Variants in ASIC2 observed in about 807,000 individuals in gnomAD.
ASIC2 encodes acid sensing ion channel subunit 2, also known as acid-sensing ion channel 2.
A neutral mutation model predicts 57.3 loss-of-function variants in ASIC2; 25 were observed. That is an observed-to-expected ratio of 0.44 (90% CI 0.32 to 0.61). ASIC2 has a LOEUF of 0.61. Ranked by LOEUF, ASIC2 falls within the 20% of genes least tolerant of loss-of-function variation. ASIC2 has a pLI of 0.06. For missense variants in ASIC2, 641 were observed against 738.1 expected (o/e 0.87, Z 1.52); for synonymous variants, 319 against 307.5 (o/e 1.04, Z -0.39).
chr17:34,048,123 T>C lies in ASIC2; in HGVS notation c.555+107855A>G, dbSNP rs1431828532. Among the ~76,000 whole-genome samples the C allele has an allele frequency of 2.0e-5, 3 of 152,158 alleles. No individual in the cohort carries two copies. In the East Asian group the frequency reaches 5.8e-4, roughly 29 times the overall value. The stretch of plus-strand genomic sequence containing the variant: ...CATTGGGAGTGTCCACACTTTGATT[T>C]ATGGATATTTCTCAGGGCCACACAC... On this transcript the variant is annotated intron_variant, in intron 1 of 9. Coordinates refer to the ASIC2 transcript ENST00000359872.
upstream of ASIC2, among the ~76,000 whole-genome samples, chr17:33,293,750 C>A (rs978983273): frequency 2.0e-5 from 3 of 151,930 alleles, no homozygotes; most frequent in Admixed American, 1.3e-4. Context: ...CTGCGGGTGG[C>A]GTGCTGTGGC....
intron 1 of ASIC2, among the ~76,000 whole-genome samples, chr17:33,227,464 G>A (rs1205959064): frequency 6.6e-6 from 1 of 152,052 alleles, no homozygotes. Flanking sequence ...TTGATCAAGT[G>A]TGACAGTGAG....
chr17:33,974,625 C>CATCT, intron 1 of ASIC2, among the ~76,000 whole-genome samples: 1 of 151,764 alleles, frequency 6.6e-6, no homozygotes, highest in African/African-American at 2.4e-5. Flanking sequence ...TCCATCCATC[C>CATCT]ATCCATCCAT....
chr17:33,424,539 A>T (rs1911152146), intron 1 of ASIC2, among the ~76,000 whole-genome samples: 1 of 152,234 alleles, frequency 6.6e-6, no homozygotes, highest in Non-Finnish European at 1.5e-5. Context: ...CACATTGGGT[A>T]GCCTGAAAAT....
intron 1 of ASIC2, among the ~76,000 whole-genome samples, chr17:33,583,404 C>T (rs1904505718): frequency 2.0e-5 from 3 of 152,094 alleles, no homozygotes; most frequent in Non-Finnish European, 4.4e-5. Context: ...ATTAGAAATG[C>T]TTATGTGTGG....
chr17:33,790,730 T>C (rs1440187424), intron 1 of ASIC2, among the ~76,000 whole-genome samples: 1 of 152,142 alleles, frequency 6.6e-6, no homozygotes, highest in East Asian at 1.9e-4. Context: ...CTATCATCTC[T>C]ATCATCTCTT....
At chr17:33,401,023 C>T (rs538039357) in intron 1 of ASIC2, among the ~76,000 whole-genome samples, 1 of 152,284 alleles carries the variant, frequency 6.6e-6, no homozygotes, top group Non-Finnish European at 1.5e-5. Context: ...ATATCGTCGT[C>T]ACTCAGGGGC....
chr17:34,076,972 G>A (rs1909689715), intron 1 of ASIC2, among the ~76,000 whole-genome samples: 1 of 152,186 alleles, frequency 6.6e-6, no homozygotes, highest in South Asian at 2.1e-4. Flanking sequence ...TCTGCAGCTG[G>A]CCATTTCTCA....
intron 1 of ASIC2, among the ~76,000 whole-genome samples, chr17:34,123,782 T>A (rs1473263420): frequency 6.6e-6 from 1 of 152,152 alleles, no homozygotes; most frequent in Non-Finnish European, 1.5e-5. Flanking sequence ...TGAAGCTTTT[T>A]AAAAATAGTA....
At chr17:33,016,157 C>G (rs3025251) in intron 8 of ASIC2, 118 bp from the exon 9 acceptor site, 21 of 892,364 alleles carry the variant, frequency 2.4e-5, no homozygotes, top group African/African-American at 5.0e-5. Flanking sequence ...CTGAACATAC[C>G]GTAGCACAAG....
chr17:34,099,168 GAAAGAA>G (rs1460338824), intron 1 of ASIC2, among the ~76,000 whole-genome samples: 74 of 6,776 alleles, frequency 0.011, 1 homozygote, highest in East Asian at 0.078. Context: ...GAGAGAGAAA[GAAAGAA>G]AGAAAGAAAG....
intron 1 of ASIC2, among the ~76,000 whole-genome samples, chr17:33,918,591 A>G (rs1475400549): frequency 6.6e-6 from 1 of 152,232 alleles, no homozygotes; most frequent in East Asian, 1.9e-4. Context: ...CACCCTGGAA[A>G]AGATCTGTGG....
At chr17:33,171,607 A>G (rs1905524602) in intron 1 of ASIC2, among the ~76,000 whole-genome samples, 1 of 152,222 alleles carries the variant, frequency 6.6e-6, no homozygotes, top group South Asian at 2.1e-4. Flanking sequence ...GTCTCCCTGC[A>G]GCTCCTCTGG....
At chr17:33,890,730 C>T (rs569987206) in intron 1 of ASIC2, among the ~76,000 whole-genome samples, 106 of 152,336 alleles carry the variant, frequency 7.0e-4, no homozygotes, top group African/African-American at 2.4e-3. Flanking sequence ...ACTAAGCCCT[C>T]TTCTCCAATG....
intron 1 of ASIC2, among the ~76,000 whole-genome samples, chr17:33,143,590 A>G (rs1321246795): frequency 6.6e-6 from 1 of 152,136 alleles, no homozygotes; most frequent in Non-Finnish European, 1.5e-5. Flanking sequence ...AACTGAGTTA[A>G]CTCCTGACTG....
intron 1 of ASIC2, among the ~76,000 whole-genome samples, chr17:33,240,446 T>C (rs908545083): frequency 6.6e-6 from 1 of 152,136 alleles, no homozygotes; most frequent in African/African-American, 2.4e-5. Context: ...AGAGAAAAGC[T>C]TCTCTAAGAA....
chr17:33,261,868 C>T (rs562910892), intron 1 of ASIC2, among the ~76,000 whole-genome samples: 63 of 152,280 alleles, frequency 4.1e-4, no homozygotes, highest in African/African-American at 1.3e-3. Flanking sequence ...CGTCTCCTAT[C>T]CCAGAGGAGG....
intron 1 of ASIC2, among the ~76,000 whole-genome samples, chr17:33,500,881 G>A (rs944424956): frequency 7.2e-5 from 11 of 152,258 alleles, no homozygotes; most frequent in Non-Finnish European, 1.6e-4. Flanking sequence ...CCATTCAGCT[G>A]GCCTGGTGTT....
At chr17:33,639,976 G>T (rs1425255796) in intron 1 of ASIC2, among the ~76,000 whole-genome samples, 1 of 152,156 alleles carries the variant, frequency 6.6e-6, no homozygotes. Flanking sequence ...GGAAGTGACT[G>T]TAACAGGGAC....
Sources: gnomAD v4.1 joint callset for allele counts (sites outside exome capture counted in the v4.1 genomes callset) on GRCh38, gnomAD v4.1.1 for gene constraint, MANE v1.5 for transcripts, NCBI Gene and HGNC (gene_info 2026-07-23, HGNC 2026-07-21) for gene names.